Variants in THEM4 observed in about 807,000 individuals in gnomAD.
THEM4 encodes the protein acyl-coenzyme A thioesterase THEM4.
A neutral mutation model predicts 25.0 loss-of-function variants in THEM4; 22 were observed. The ratio of observed to expected loss-of-function variants is 0.88; its 90% CI spans 0.63 to 1.26. The LOEUF is 1.26. THEM4 is among the 50% of genes most tolerant of loss of function. THEM4 has a pLI of 0.00. For synonymous variants in THEM4, 113 were observed against 105.6 expected (o/e 1.07, Z -0.43); for missense variants, 286 against 300.3 (o/e 0.95, Z 0.35).
chr1:151,892,144 A>G (rs1009756948), intron 2 of THEM4, among the ~76,000 whole-genome samples: 2 of 151,958 alleles, frequency 1.3e-5, no homozygotes, highest in Non-Finnish European at 2.9e-5. Flanking sequence ...AGGATCTCAA[A>G]CTCCTCTTGA....
intron 1 of THEM4, among the ~76,000 whole-genome samples, chr1:151,897,081 A>G (rs1006696322): frequency 6.6e-6 from 1 of 152,182 alleles, no homozygotes; most frequent in Non-Finnish European, 1.5e-5. Flanking sequence ...CTGGAAGACA[A>G]AGTGTGACTT....
At chr1:151,894,897 TA>T in intron 2 of THEM4, 110 bp downstream of exon 2, 1 of 1,248,078 alleles carries the variant, frequency 8.0e-7, no homozygotes, top group African/African-American at 1.5e-5. Context: ...TATAGAACCA[TA>T]ATCCTGCATT....
rs1179645542 is a variant in THEM4 at position 151,872,804 on chromosome 1, C to T, written c.*2084G>A. On this transcript the variant is annotated 3_prime_UTR_variant, in exon 6 of 6. Coordinates refer to ENST00000368814, the MANE Select transcript of THEM4 (RefSeq NM_053055.5). The stretch of plus-strand genomic sequence containing the variant: ...AGGGGCAAAATGCACTGTGGAAAGC[C>T]GCAGGGACCTCTGCCCAAGAAAGCC... Among the ~76,000 whole-genome samples, 4 of 152,144 alleles carry T rather than the reference C, an allele frequency of 2.6e-5. No homozygotes were observed. Among genetic ancestry groups the T allele is most frequent in the Non-Finnish European group, 4.4e-5 (3 of 68,024 alleles).
intron 1 of THEM4, among the ~76,000 whole-genome samples, chr1:151,907,893 A>G (rs1214796214): frequency 1.3e-5 from 2 of 152,088 alleles, no homozygotes; most frequent in African/African-American, 4.8e-5. Context: ...TGTCTGCAGC[A>G]TGTGTGTGTG....
At chr1:151,892,703 A>C (rs886224606) in intron 2 of THEM4, among the ~76,000 whole-genome samples, 22 of 152,238 alleles carry the variant, frequency 1.4e-4, no homozygotes, top group Non-Finnish European at 1.6e-4. Context: ...TGCCTTGCTC[A>C]AAGTTGCACA....
intron 1 of THEM4, among the ~76,000 whole-genome samples, chr1:151,906,615 C>G (rs997709633): frequency 6.6e-6 from 1 of 152,232 alleles, no homozygotes; most frequent in African/African-American, 2.4e-5. Flanking sequence ...CTAGTGGGAA[C>G]TTGGAGAACC....
intron 4 of THEM4, among the ~76,000 whole-genome samples, chr1:151,881,189 A>C (rs182602536): frequency 3.3e-5 from 5 of 152,086 alleles, no homozygotes; most frequent in Admixed American, 6.6e-5. Flanking sequence ...ATTTTTAGAG[A>C]TGGGTTCTCA....
chr1:151,892,431 T>A (rs1216543354), intron 2 of THEM4, among the ~76,000 whole-genome samples: 1 of 152,122 alleles, frequency 6.6e-6, no homozygotes, highest in African/African-American at 2.4e-5. Flanking sequence ...GCTGTGAGGG[T>A]AGAAGCCAGA....
At chr1:151,905,588 G>A (rs1654440578) in intron 1 of THEM4, among the ~76,000 whole-genome samples, 1 of 152,182 alleles carries the variant, frequency 6.6e-6, no homozygotes, top group Non-Finnish European at 1.5e-5. Flanking sequence ...CCTGACCCGG[G>A]TGTAGTCTTG....
At chr1:151,884,687 G>GTTTTTTTTTTTTT (rs11371460) in intron 4 of THEM4, among the ~76,000 whole-genome samples, 1 of 146,504 alleles carries the variant, frequency 6.8e-6, no homozygotes, top group African/African-American at 2.5e-5. Context: ...CCTTTTTTTT[G>GTTTTTTTTTTTTT]TTTTTTTTTT....
intron 3 of THEM4, among the ~76,000 whole-genome samples, 162 bp downstream of exon 3, chr1:151,889,052 T>C (rs1272172401): frequency 6.6e-6 from 1 of 152,146 alleles, no homozygotes; most frequent in Non-Finnish European, 1.5e-5. Flanking sequence ...ATAATATAGA[T>C]AAGATGTCCT....
chr1:151,897,917 GA>G (rs1654260788), intron 1 of THEM4, among the ~76,000 whole-genome samples: 2 of 152,158 alleles, frequency 1.3e-5, no homozygotes, highest in African/African-American at 4.8e-5. Context: ...CAGGGTAAGG[GA>G]AGCAGCAGAA....
chr1:151,879,738 C>G (rs2101716737), intron 4 of THEM4, among the ~76,000 whole-genome samples: 1 of 150,734 alleles, frequency 6.6e-6, no homozygotes, highest in Non-Finnish European at 1.5e-5. Flanking sequence ...TTCACTGCAA[C>G]CTCCGCCTCC....
intron 1 of THEM4, among the ~76,000 whole-genome samples, chr1:151,896,861 C>G (rs1654237528): frequency 6.6e-6 from 1 of 152,106 alleles, no homozygotes; most frequent in Non-Finnish European, 1.5e-5. Context: ...AAATACAAGA[C>G]CCAGTACCAG....
In THEM4 at chr1:151,895,145, T is replaced by G; in HGVS notation, c.149A>C (p.Asn50Thr). 1.2e-6 allele frequency: 2 copies of G among 1,614,078 alleles called. No homozygotes were observed. The highest frequency in any genetic ancestry group is 2.2e-5 in the East Asian group (1 of 44,868). ...TCTTAGGTCCTTGTTCCAGCTGGGG[T>G]TGGGGACAGAACAGTCCTTAAGAAT... is the stretch of plus-strand genomic sequence containing the variant. ...EVILKDCSVP[N>T]PSWNKDLRLL... is the part of the protein sequence containing the mutation. The change falls in exon 2 of 6, where the codon AAC (asparagine) becomes ACC (threonine). Residue 50 changes from asparagine (N) to threonine (T), a missense_variant. Physicochemically the swap from Asn to Thr is moderately conservative, Grantham distance 65. Transcript: ENST00000368814.
At chr1:151,884,288 A>C (rs1433789934) in intron 4 of THEM4, among the ~76,000 whole-genome samples, 1 of 152,212 alleles carries the variant, frequency 6.6e-6, no homozygotes, top group Non-Finnish European at 1.5e-5. Flanking sequence ...TCCCTTTTCA[A>C]GAAAACTATT....
chr1:151,884,059 A>T (rs1653905134), intron 4 of THEM4, among the ~76,000 whole-genome samples: 1 of 151,144 alleles, frequency 6.6e-6, no homozygotes, highest in Non-Finnish European at 1.5e-5. Context: ...TGGGTGGCAG[A>T]GTGAGACTCT....
At chr1:151,887,923 C>G (rs1223831694) in intron 4 of THEM4, among the ~76,000 whole-genome samples, 1 of 152,184 alleles carries the variant, frequency 6.6e-6, no homozygotes, top group East Asian at 1.9e-4. Flanking sequence ...CTTAGAAGTA[C>G]TTGGAAATTT....
At chr1:151,890,315 G>A (rs935083004) in intron 2 of THEM4, 2 of 374,884 alleles carry the variant, frequency 5.3e-6, no homozygotes, top group African/African-American at 4.2e-5. Flanking sequence ...ACACAATTGT[G>A]AGCAAGTTGG....
Sources: gnomAD v4.1 joint callset for allele counts (sites outside exome capture counted in the v4.1 genomes callset) on GRCh38, gnomAD v4.1.1 for gene constraint, MANE v1.5 for transcripts, NCBI Gene and HGNC (gene_info 2026-07-23, HGNC 2026-07-21) for gene names.